Variants in RP1L1 observed in about 807,000 individuals in gnomAD.
RP1L1 encodes RP1 like 1.
Under a neutral mutation model 15.7 loss-of-function variants are expected in RP1L1, and 27 were observed. The ratio of observed to expected loss-of-function variants is 1.72; its 90% confidence interval spans 1.27 to 2.38. The LOEUF (loss-of-function observed/expected upper bound fraction) is 2.38. Among genes scored for constraint, RP1L1 ranks in the 30% most tolerant of loss-of-function variants. The probability of loss-of-function intolerance (pLI) is 0.00; values close to 1 mark genes in which losing one functional copy is unlikely to be tolerated. For missense variants in RP1L1, 4,798 were observed against 3,075.9 expected (o/e 1.56, Z -13.24); for synonymous variants, 1,813 against 1,276.7 (o/e 1.42, Z -8.96).
intron 2 of RP1L1, among the ~76,000 whole-genome samples, chr8:10,617,899 T>G (rs1424404983): frequency 6.6e-6 from 1 of 152,168 alleles, no homozygotes; most frequent in Non-Finnish European, 1.5e-5. Flanking sequence ...TTCTTTGATT[T>G]GGACTCCTGG....
rs1388981217 is a variant in RP1L1, at chr8:10,611,875, G to A, written c.2223C>T (p.Thr741=). The part of the protein sequence containing the change: ...DLLGTSSATV[T]PAVHSDFVSG... ...AAACAAAATCCGAGTGGACTGCAGG[G>A]GTGACAGTGGCACTGCTGGTTCCCA... The change falls in exon 4 of 4, where the codon ACC becomes ACT. Residue 741 remains threonine (T), a synonymous_variant. Coordinates refer to ENST00000382483, the MANE Select transcript of RP1L1 (RefSeq NM_178857.6). The A allele has an allele frequency of 1.2e-6, 2 of 1,613,880 alleles. No individual in the cohort carries two copies. Among genetic ancestry groups the A allele is most frequent in the South Asian group, 1.1e-5 (1 of 91,090 alleles).
intron 1 of RP1L1, among the ~76,000 whole-genome samples, chr8:10,629,682 G>T (rs1248549975): frequency 6.6e-6 from 1 of 152,136 alleles, no homozygotes; most frequent in Non-Finnish European, 1.5e-5. Context: ...TTCTCACATA[G>T]AAATAGTCTA....
intron 1 of RP1L1, among the ~76,000 whole-genome samples, chr8:10,628,073 C>T (rs1275780144): frequency 6.6e-6 from 1 of 152,188 alleles, no homozygotes; most frequent in Non-Finnish European, 1.5e-5. Flanking sequence ...GGATGAGCAA[C>T]CCAGCTGCTT....
At chr8:10,647,980 T>C (rs1798503829) in intron 1 of RP1L1, among the ~76,000 whole-genome samples, 1 of 152,170 alleles carries the variant, frequency 6.6e-6, no homozygotes, top group Non-Finnish European at 1.5e-5. Flanking sequence ...GAATCCAGAT[T>C]CTCCACATCC....
intron 1 of RP1L1, among the ~76,000 whole-genome samples, chr8:10,645,169 A>G (rs1343142512): frequency 6.6e-6 from 1 of 152,076 alleles, no homozygotes; most frequent in South Asian, 2.1e-4. Flanking sequence ...TCTACAAAAA[A>G]TAAAAACATT....
intron 3 of RP1L1, 34 bp downstream of exon 3, chr8:10,616,412 A>G: frequency 6.2e-7 from 1 of 1,614,100 alleles, no homozygotes; most frequent in South Asian, 1.1e-5. Flanking sequence ...CATGCAGTGC[A>G]AATCAGATGG....
At chr8:10,653,919 C>T (rs554282366) in intron 1 of RP1L1, among the ~76,000 whole-genome samples, 1 of 152,188 alleles carries the variant, frequency 6.6e-6, no homozygotes, top group Non-Finnish European at 1.5e-5. Context: ...CTCCCGCGAC[C>T]TCCTCCAAGC....
At chr8:10,648,346 TTTTG>T (rs779199024) in intron 1 of RP1L1, among the ~76,000 whole-genome samples, 1 of 152,066 alleles carries the variant, frequency 6.6e-6, no homozygotes, top group Non-Finnish European at 1.5e-5. Flanking sequence ...TTCTGGGTTT[TTTTG>T]TTTGTTTGTT....
intron 1 of RP1L1, among the ~76,000 whole-genome samples, chr8:10,625,736 C>T (rs752664151): frequency 6.6e-6 from 1 of 152,144 alleles, no homozygotes. Context: ...GACAGGACCA[C>T]GCAGGAGCAG....
At chr8:10,623,929 A>G (rs1397677254) in intron 1 of RP1L1, among the ~76,000 whole-genome samples, 2 of 147,078 alleles carry the variant, frequency 1.4e-5, no homozygotes, top group African/African-American at 5.1e-5. Flanking sequence ...TCCCAGAACC[A>G]CTGTGTCCCC....
At position 10,611,656 on chromosome 8, in the gene RP1L1, C is replaced by A. The variant is rs1378863214; in HGVS notation, c.2442G>T (p.Glu814Asp). The A allele has an allele frequency of 1.2e-6, 2 of 1,613,042 alleles. No individual in the cohort carries two copies. Among genetic ancestry groups the A allele is most frequent in the Non-Finnish European group, 1.7e-6 (2 of 1,179,970 alleles). ...TTCGGTGGGGGCCCACCGCCCCTTG[C>A]TCAGGCCGTCCAACCTGCAGAACCA... ...SPLVLQVGRP[E>D]QGAVGPHRSH... The change falls in exon 4 of 4, where the codon GAG becomes GAT. Residue 814 changes from glutamate (E) to aspartate (D), a missense_variant. Coordinates refer to ENST00000382483, the MANE Select transcript of RP1L1 (RefSeq NM_178857.6).
At chr8:10,646,629 G>C (rs1249773227) in intron 1 of RP1L1, among the ~76,000 whole-genome samples, 3 of 152,036 alleles carry the variant, frequency 2.0e-5, no homozygotes, top group African/African-American at 7.2e-5. Flanking sequence ...TGTGGACGGA[G>C]GGGACCGAGC....
Position 10,608,267 on chromosome 8 carries a change from T to G in RP1L1, c.5831A>C (p.Glu1944Ala). 6.3e-7 allele frequency: 1 copy of G among 1,596,152 alleles called. No homozygotes were observed. Among genetic ancestry groups the G allele is most frequent in the Non-Finnish European group, 8.6e-7 (1 of 1,167,264 alleles). ...CCCTTCTGCCTCCTGGGCCGCCTCTTCTGCCTCTTGGGCCTCTGCACCTTC... is the reference window on the plus strand; with the variant it reads ...CCCTTCTGCCTCCTGGGCCGCCTCTGCTGCCTCTTGGGCCTCTGCACCTTC... ...ESEGAEAQEA[E>A]EAAQEAEGQT... is the part of the protein sequence containing the mutation. The change falls in exon 4 of 4, where the codon GAA (glutamate) becomes GCA (alanine). Residue 1944 changes from glutamate (E) to alanine (A), a missense_variant. Physicochemically the swap from Glu to Ala is moderately radical, Grantham distance 107. Transcript: ENST00000382483.
At chr8:10,637,859 G>C (rs2117252343) in intron 1 of RP1L1, among the ~76,000 whole-genome samples, 1 of 152,362 alleles carries the variant, frequency 6.6e-6, no homozygotes, top group South Asian at 2.1e-4. Flanking sequence ...AGATCTGAAA[G>C]GAAACACAAA....
chr8:10,611,586 G>A lies in RP1L1; in HGVS notation c.2512C>T (p.Gln838Ter), dbSNP rs755411935. The change falls in exon 4 of 4, where the codon CAG becomes TAG. Residue 838 changes from glutamine (Q) to a stop codon, truncating the protein, a stop_gained. Coordinates refer to ENST00000382483, the MANE Select transcript of RP1L1 (RefSeq NM_178857.6). LOFTEE classifies it low-confidence loss of function (END_TRUNC). The part of the protein sequence containing the change: ...QPGTQPAQEA[Q>*]RGPSPEASWL... ...CTAGCCTCAGGGGAGGGTCCCCGCT[G>A]GGCCTCTTGGGCCGGCTGCGTCCCA... 6.2e-7 allele frequency: 1 copy of A among 1,610,880 alleles called. No homozygotes were observed. The highest frequency in any genetic ancestry group is 2.2e-5 in the East Asian group (1 of 44,828).
Position 10,622,733 on chromosome 8 carries a change from TCAG to T in RP1L1, c.466_468del (p.Leu156del), listed in dbSNP as rs1272911590. ...TGGAGGCGAGGGTCCATGTTCTTAA[TCAG>T]CAGTATCCTCCGGGGGGTTTTAAGA... is the stretch of plus-strand genomic sequence containing the variant. On this transcript the variant is annotated inframe_deletion, in exon 2 of 4. Coordinates refer to ENST00000382483, the MANE Select transcript of RP1L1 (RefSeq NM_178857.6). The T allele has an allele frequency of 6.2e-7, 1 of 1,614,156 alleles. No individual in the cohort carries two copies. Among genetic ancestry groups the T allele is most frequent in the South Asian group, 1.1e-5 (1 of 91,074 alleles).
In RP1L1 at chr8:10,610,251, G is replaced by A. The variant is rs760321383; in HGVS notation, c.3847C>T (p.Gln1283Ter). 5 of 1,614,110 alleles carry A rather than the reference G, an allele frequency of 3.1e-6. No individual in the cohort carries two copies. The South Asian group carries it at 5.5e-5, about 18-fold the overall frequency. ...TGCTCCAGGTTCGAGCTCGCCCTCT[G>A]CTCCTCACTGTCTCTTTCTGCTTCA... ...EDEAERDSEE[Q>*]RASSNLEQLA... Residue 1283 changes from glutamine (Q) to a stop codon, truncating the protein, a stop_gained, in exon 4 of 4, where the codon CAG becomes TAG. Transcript: ENST00000382483. LOFTEE classifies it low-confidence loss of function (END_TRUNC).
chr8:10,633,188 G>A lies in RP1L1; in HGVS notation c.-19-9968C>T, dbSNP rs149447838. ...TGGGAGCTAGAGCTGCACAGCAGCT[G>A]CCCCAGGGCCGTGAGCCAGGAATGC... On this transcript the variant is annotated intron_variant, in intron 1 of 3. Coordinates refer to ENST00000382483, the MANE Select transcript of RP1L1 (RefSeq NM_178857.6). Among the ~76,000 whole-genome samples, 16 of 152,328 alleles carry A rather than the reference G, an allele frequency of 1.1e-4. No individual in the cohort carries two copies. In the East Asian group the frequency reaches 3.1e-3, roughly 29 times the overall value.
In RP1L1 at chr8:10,608,430, C is replaced by T. The variant is rs867862311; in HGVS notation, c.5668G>A (p.Val1890Ile). The change falls in exon 4 of 4, where the codon GTA becomes ATA. Residue 1890 changes from valine (V) to isoleucine (I), a missense_variant. Physicochemically the swap from Val to Ile is conservative, Grantham distance 29. Coordinates refer to ENST00000382483, the MANE Select transcript of RP1L1 (RefSeq NM_178857.6). The part of the protein sequence containing the change: ...EGEAQPESED[V>I]ETPEAEWEVQ... ...TCCCATTCTGCCTCTGGGGTCTCTACATCTTCTGACTCTGGCTGGGCCTCT... is the reference window on the plus strand; with the variant it reads ...TCCCATTCTGCCTCTGGGGTCTCTATATCTTCTGACTCTGGCTGGGCCTCT... 1.7e-5 allele frequency: 28 copies of T among 1,606,278 alleles called. No individual in the cohort carries two copies. The highest frequency in any genetic ancestry group is 2.4e-5 in the Non-Finnish European group (28 of 1,174,986).
Sources: gnomAD v4.1 joint callset for allele counts (sites outside exome capture counted in the v4.1 genomes callset) on GRCh38, gnomAD v4.1.1 for gene constraint, MANE v1.5 for transcripts, NCBI Gene and HGNC (gene_info 2026-07-23, HGNC 2026-07-21) for gene names.